Variants in VPS37A observed in about 807,000 individuals in gnomAD.
The protein encoded by VPS37A is vacuolar protein sorting-associated protein 37A.
In VPS37A, 30 loss-of-function variants were observed where a neutral mutation model predicts 49.8. The ratio of observed to expected loss-of-function variants is 0.60; its 90% confidence interval spans 0.45 to 0.82. VPS37A has a LOEUF of 0.82. Ranked by LOEUF, VPS37A falls within the 40% of genes least tolerant of loss-of-function variation. The pLI is 0.00. For missense variants in VPS37A, 593 were observed against 464.4 expected (o/e 1.28, Z -2.55); for synonymous variants, 195 against 160.6 (o/e 1.21, Z -1.62).
At chr8:17,260,321 C>A (rs1444525760) in intron 1 of VPS37A, among the ~76,000 whole-genome samples, 1 of 152,000 alleles carries the variant, frequency 6.6e-6, no homozygotes, top group Non-Finnish European at 1.5e-5. Context: ...AAGAAAAGAA[C>A]AGAAACAAAA....
chr8:17,292,806 G>T (rs1816272404), intron 11 of VPS37A, among the ~76,000 whole-genome samples: 1 of 152,204 alleles, frequency 6.6e-6, no homozygotes, highest in African/African-American at 2.4e-5. Flanking sequence ...GGCTTATAGG[G>T]TTTCTGCAGA....
intron 9 of VPS37A, 35 bp from the exon 10 acceptor site, chr8:17,284,438 C>T (rs746037514): frequency 4.5e-6 from 7 of 1,543,008 alleles, no homozygotes; most frequent in Non-Finnish European, 5.2e-6. Context: ...TTGTGAGTAT[C>T]ATAAATTAAA....
At chr8:17,305,640 A>G (rs1817399363), downstream of VPS37A, 1 of 772,066 alleles carries the variant, frequency 1.3e-6, no homozygotes, top group African/African-American at 1.8e-5. Flanking sequence ...CTAATCTGTC[A>G]GTATAGGTAT....
intron 5 of VPS37A, among the ~76,000 whole-genome samples, 187 bp downstream of exon 5, chr8:17,275,145 C>G (rs1026848805): frequency 1.3e-5 from 2 of 152,084 alleles, no homozygotes; most frequent in South Asian, 2.1e-4. Context: ...GCTTCTAATT[C>G]TAGTGTAGTA....
At chr8:17,263,791 T>C (rs1298893760) in intron 1 of VPS37A, among the ~76,000 whole-genome samples, 1 of 151,816 alleles carries the variant, frequency 6.6e-6, no homozygotes, top group Admixed American at 6.6e-5. Context: ...AAAATATATA[T>C]ATAACCGGGT....
chr8:17,265,722 G>C (rs1813387059), intron 1 of VPS37A, 185 bp from the exon 2 acceptor site: 5 of 1,475,766 alleles, frequency 3.4e-6, no homozygotes, highest in Non-Finnish European at 4.6e-6. Context: ...GTTACTGTGT[G>C]CTTAGATGAT....
At chr8:17,254,060 CTT>C (rs1309064883) in intron 1 of VPS37A, among the ~76,000 whole-genome samples, 1 of 152,000 alleles carries the variant, frequency 6.6e-6, no homozygotes, top group Non-Finnish European at 1.5e-5. Context: ...TGTCTTTGCT[CTT>C]GAGTTTTTTA....
chr8:17,276,272 G>C (rs1405225435), intron 5 of VPS37A, 125 bp from the exon 6 acceptor site: 4 of 700,658 alleles, frequency 5.7e-6, no homozygotes, highest in Non-Finnish European at 2.3e-6. Context: ...TGTGAGATGT[G>C]AAGATGAAAA....
At chr8:17,257,483 G>C (rs544906685) in intron 1 of VPS37A, among the ~76,000 whole-genome samples, 2 of 152,238 alleles carry the variant, frequency 1.3e-5, no homozygotes, top group African/African-American at 4.8e-5. Flanking sequence ...ACACACCGGG[G>C]CCTGTCAGGG....
At chr8:17,250,010 G>A (rs1406074938) in intron 1 of VPS37A, among the ~76,000 whole-genome samples, 1 of 152,156 alleles carries the variant, frequency 6.6e-6, no homozygotes, top group African/African-American at 2.4e-5. Flanking sequence ...TGGCTTCTCT[G>A]TATAACTTTC....
intron 1 of VPS37A, chr8:17,248,561 C>G: frequency 6.4e-6 from 2 of 314,206 alleles, no homozygotes; most frequent in South Asian, 4.8e-5. Flanking sequence ...CAGGAATAAG[C>G]CACCTCGCCG....
downstream of VPS37A, among the ~76,000 whole-genome samples, chr8:17,306,152 G>C (rs1300458266): frequency 6.6e-6 from 1 of 152,172 alleles, no homozygotes; most frequent in Admixed American, 6.5e-5. Context: ...TGACGGTCTG[G>C]ATAGAAGGGA....
In VPS37A at chr8:17,297,318, T is replaced by TGAAA. The variant is rs1465786254; in HGVS notation, c.*2337_*2340dup. ...AAACTAAACAGACCCACTTCAAAGT[T>TGAAA]GAAAGAAATTTCTAGGCATAAATTG... is the stretch of plus-strand genomic sequence containing the variant. On this transcript the variant is annotated 3_prime_UTR_variant, in exon 12 of 12. Transcript: ENST00000324849. 2.0e-5 allele frequency: 3 copies of TGAAA among 152,032 alleles called. No individual in the cohort carries two copies. Among genetic ancestry groups the TGAAA allele is most frequent in the African/African-American group, 4.8e-5 (2 of 41,440 alleles). 9.4% of individuals were successfully genotyped at this position (152,032 alleles called of 1,614,324 possible). A position where few individuals can be genotyped will look rare whatever the true frequency, so the allele number is the denominator to read the frequency against.
intron 1 of VPS37A, among the ~76,000 whole-genome samples, chr8:17,264,610 A>G (rs1813277479): frequency 6.6e-6 from 1 of 152,212 alleles, no homozygotes; most frequent in Non-Finnish European, 1.5e-5. Flanking sequence ...AGATTTACAT[A>G]TCCTAGAGTC....
chr8:17,309,606 T>C, the VPS37A span, among the ~76,000 whole-genome samples: 13 of 152,208 alleles, frequency 8.5e-5, no homozygotes, highest in African/African-American at 2.7e-4. Flanking sequence ...TTCACATTGC[T>C]TTACGTATGA....
At chr8:17,258,640 A>C (rs2150358641) in intron 1 of VPS37A, among the ~76,000 whole-genome samples, 1 of 152,082 alleles carries the variant, frequency 6.6e-6, no homozygotes, top group Middle Eastern at 3.4e-3. Flanking sequence ...ATCTTGTAGA[A>C]TGAGTTTGGA....
intron 1 of VPS37A, among the ~76,000 whole-genome samples, chr8:17,248,958 A>T (rs79446127): frequency 0.016 from 2,481 of 152,330 alleles, 54 homozygotes; most frequent in African/African-American, 0.056. Flanking sequence ...AGGTATGCTT[A>T]TAAAATAAGG....
intron 1 of VPS37A, among the ~76,000 whole-genome samples, chr8:17,252,417 C>G (rs945104538): frequency 6.6e-6 from 1 of 152,164 alleles, no homozygotes; most frequent in Non-Finnish European, 1.5e-5. Context: ...GGCCCAAGCA[C>G]TCTGCCTGGC....
the VPS37A span, chr8:17,331,031 T>C: frequency 1.6e-6 from 2 of 1,216,738 alleles, no homozygotes; most frequent in South Asian, 1.5e-5. Context: ...TGTAACATGA[T>C]ATTCTTCCCA....
Sources: allele counts gnomAD v4.1 joint callset (sites outside exome capture counted in the v4.1 genomes callset), GRCh38; gene constraint gnomAD v4.1.1; transcripts MANE v1.5; gene names NCBI Gene and HGNC (gene_info 2026-07-23, HGNC 2026-07-21).